RPS6KA6: variants seen among roughly 807,000 people sequenced by gnomAD.
RPS6KA6 encodes ribosomal protein S6 kinase A6, also known as ribosomal protein S6 kinase alpha-6.
In RPS6KA6, 27 loss-of-function variants were observed where a neutral mutation model predicts 65.4. The observed-to-expected ratio is 0.41, with a 90% CI of 0.30 to 0.57. The LOEUF (loss-of-function observed/expected upper bound fraction) is 0.57. RPS6KA6 is among the 20% of genes least tolerant of loss of function. The probability of loss-of-function intolerance (pLI) is 0.24; values close to 1 mark genes in which losing one functional copy is unlikely to be tolerated. For synonymous variants in RPS6KA6, 190 were observed against 184.2 expected (o/e 1.03, Z -0.26); for missense variants, 486 against 555.6 (o/e 0.87, Z 1.26).
intron 12 of RPS6KA6, among the ~76,000 whole-genome samples, chrX:84,112,038 A>G (rs758074518): frequency 2.7e-5 from 3 of 111,894 alleles, no homozygotes; most frequent in Non-Finnish European, 5.6e-5. Context: ...AGCCATTCTC[A>G]TATCAGATAA....
At chrX:84,141,764 C>T in intron 6 of RPS6KA6, among the ~76,000 whole-genome samples, 1 of 111,070 alleles carries the variant, frequency 9.0e-6, no homozygotes, top group Middle Eastern at 4.7e-3. Flanking sequence ...AGAACATTAC[C>T]AGGGATAAAG....
At chrX:84,116,397 G>GA in intron 11 of RPS6KA6, 110 bp from the exon 12 acceptor site, 1 of 367,821 alleles carries the variant, frequency 2.7e-6, no homozygotes, top group East Asian at 4.8e-5. Context: ...TACATTCCTT[G>GA]AAAAGAAAAA....
At chrX:84,141,904 A>C (rs1265522374) in intron 6 of RPS6KA6, among the ~76,000 whole-genome samples, 1 of 111,676 alleles carries the variant, frequency 9.0e-6, no homozygotes, top group Non-Finnish European at 1.9e-5. Flanking sequence ...TTCAAGAAGA[A>C]ATATACAAAT....
chrX:84,069,868 T>G (rs1037997928), intron 20 of RPS6KA6, among the ~76,000 whole-genome samples: 1 of 112,146 alleles, frequency 8.9e-6, no homozygotes, highest in Non-Finnish European at 1.9e-5. Context: ...AGATAACATC[T>G]CATGCCAGTT....
intron 2 of RPS6KA6, among the ~76,000 whole-genome samples, chrX:84,163,807 G>C (rs1049407346): frequency 9.0e-6 from 1 of 111,529 alleles, no homozygotes; most frequent in African/African-American, 3.3e-5. Context: ...TAAGACTCTA[G>C]TATCTAGGCA....
At chrX:84,085,286 G>A (rs1264824365) in intron 20 of RPS6KA6, among the ~76,000 whole-genome samples, 1 of 111,529 alleles carries the variant, frequency 9.0e-6, no homozygotes, top group Non-Finnish European at 1.9e-5. Flanking sequence ...TTTTCAAGGG[G>A]AATTCTTCCA....
intron 1 of RPS6KA6, among the ~76,000 whole-genome samples, chrX:84,179,014 G>T (rs183204842): frequency 9.0e-6 from 1 of 110,553 alleles, no homozygotes; most frequent in Non-Finnish European, 1.9e-5. Context: ...TTTGGAAATC[G>T]GTATCTAATA....
chrX:84,107,275 C>G (rs2034378216), intron 13 of RPS6KA6, among the ~76,000 whole-genome samples: 1 of 111,527 alleles, frequency 9.0e-6, no homozygotes, highest in African/African-American at 3.3e-5. Flanking sequence ...AGTAGGTATT[C>G]AATATTTCTT....
At chrX:84,064,935 A>C in intron 21 of RPS6KA6, 36 bp downstream of exon 21, 1 of 1,139,954 alleles carries the variant, frequency 8.8e-7, no homozygotes, top group Non-Finnish European at 1.2e-6. Flanking sequence ...TAGGTATCTG[A>C]TATCTCGAAG....
At chrX:84,079,210 G>T (rs1474203728) in intron 20 of RPS6KA6, among the ~76,000 whole-genome samples, 1 of 110,657 alleles carries the variant, frequency 9.0e-6, no homozygotes, top group Non-Finnish European at 1.9e-5. Context: ...GAAGCGCAAG[G>T]GGTCAGGGAA....
chrX:84,121,590 A>G (rs889404572), intron 8 of RPS6KA6, among the ~76,000 whole-genome samples: 8 of 112,181 alleles, frequency 7.1e-5, no homozygotes, highest in African/African-American at 2.6e-4. Context: ...TTTAGATCAC[A>G]TATGTCACAC....
chrX:84,164,321 T>C lies in RPS6KA6; in HGVS notation c.141+7A>G. ...ATGTGGCTTAATAAATTAACATAAA[T>C]ACTTACATGACAAGAATCTGCTTCT... On this transcript the variant is annotated splice_region_variant and intron_variant, in intron 2 of 21. Transcript: ENST00000262752. 8.6e-7 allele frequency: 1 copy of C among 1,162,131 alleles called. No individual in the cohort carries two copies. The highest frequency in any genetic ancestry group is 1.8e-5 in the South Asian group (1 of 54,788).
rs767110391 is a variant in RPS6KA6 at position 84,061,234 on chromosome X, A to C, written c.*3043T>G. On this transcript the variant is annotated 3_prime_UTR_variant, in exon 22 of 22. Transcript: ENST00000262752. The stretch of plus-strand genomic sequence containing the variant: ...CCTTCTTCATATATGAAAGACCTCT[A>C]TCTAGAAAATACTAGTCAATCTGTA... The C allele has an allele frequency of 8.9e-6, 1 of 112,326 alleles. No individual in the cohort carries two copies. Among genetic ancestry groups the C allele is most frequent in the South Asian group, 3.7e-4 (1 of 2,710 alleles). 9.3% of individuals were successfully genotyped at this position (112,326 alleles called of 1,213,427 possible).
Position 84,068,033 on chromosome X carries a change from A to G in RPS6KA6, c.1972-2922T>C, listed in dbSNP as rs1477445365. Among the ~76,000 whole-genome samples the G allele has an allele frequency of 4.5e-5, 5 of 111,805 alleles. No homozygotes were observed. The East Asian group carries it at 1.4e-3, about 31-fold the overall frequency. ...ACAGCCAAACTAAACTTCATAAGCA[A>G]AGGAGAAATAAAATCCTTTCCAGAC... is the stretch of plus-strand genomic sequence containing the variant. On this transcript the variant is annotated intron_variant, in intron 20 of 21. Coordinates refer to ENST00000262752, the MANE Select transcript of RPS6KA6 (RefSeq NM_014496.5).
Position 84,093,160 on chromosome X carries a change from G to A in RPS6KA6, c.1971+3034C>T, listed in dbSNP as rs1044008766. ...TCTCATAGAAATAGACAGTAGAATA[G>A]TGGTTACCAGAGGATGGGGAGTGGT... On this transcript the variant is annotated intron_variant, in intron 20 of 21. Transcript: ENST00000262752. Among the ~76,000 whole-genome samples, 4 of 112,024 alleles carry A rather than the reference G, an allele frequency of 3.6e-5. No individual in the cohort carries two copies. The Admixed American group carries it at 3.8e-4, about 11-fold the overall frequency.
At chrX:84,150,863 GATATATATAGGATAT>G (rs1458654675) in intron 3 of RPS6KA6, among the ~76,000 whole-genome samples, 1 of 93,425 alleles carries the variant, frequency 1.1e-5, no homozygotes, top group Non-Finnish European at 2.1e-5. Context: ...ATATATAGAG[GATATATATAGGATAT>G]ATATATATAG....
intron 20 of RPS6KA6, among the ~76,000 whole-genome samples, chrX:84,075,090 G>T: frequency 9.0e-6 from 1 of 110,892 alleles, no homozygotes; most frequent in Non-Finnish European, 1.9e-5. Context: ...AAAATTAGCT[G>T]GGCGTGGTGG....
At chrX:84,159,913 C>T (rs941761187) in intron 2 of RPS6KA6, among the ~76,000 whole-genome samples, 1 of 110,528 alleles carries the variant, frequency 9.0e-6, no homozygotes, top group Non-Finnish European at 1.9e-5. Context: ...CATCTATAAG[C>T]TAAGGAAAGA....
At chrX:84,090,086 C>A (rs1569377685) in intron 20 of RPS6KA6, among the ~76,000 whole-genome samples, 3 of 112,233 alleles carry the variant, frequency 2.7e-5, no homozygotes, top group Non-Finnish European at 5.6e-5. Context: ...TTCATCACTT[C>A]TATTTTCAAT....
Sources: gnomAD v4.1 joint callset for allele counts (sites outside exome capture counted in the v4.1 genomes callset) on GRCh38, gnomAD v4.1.1 for gene constraint, MANE v1.5 for transcripts, NCBI Gene and HGNC (gene_info 2026-07-23, HGNC 2026-07-21) for gene names.